LPA: variants seen among roughly 807,000 people sequenced by gnomAD.
LPA encodes apolipoprotein(a).
Under a neutral mutation model 197.9 loss-of-function variants are expected in LPA, and 199 were observed. The ratio of observed to expected loss-of-function variants is 1.01; its 90% CI spans 0.90 to 1.13. The LOEUF is 1.13. Among genes scored for constraint, LPA ranks in the 50% most tolerant of loss-of-function variants. The pLI, the probability that LPA is intolerant of heterozygous loss-of-function variation, is 0.00. For missense variants in LPA, 1,853 were observed against 1,785.8 expected (o/e 1.04, Z -0.68); for synonymous variants, 715 against 639.5 (o/e 1.12, Z -1.78).
At position 160,580,256 on chromosome 6, in the gene LPA, A is replaced by T. The variant is rs548813059; in HGVS notation, c.4290-1552T>A. 1.2e-4 allele frequency among the ~76,000 whole-genome samples: 19 copies of T among 152,294 alleles called. No individual in the cohort carries two copies. In the South Asian group the frequency reaches 1.9e-3, roughly 15 times the overall value. On this transcript the variant is annotated intron_variant, in intron 26 of 38. Coordinates refer to ENST00000316300, the MANE Select transcript of LPA (RefSeq NM_005577.4). Reference sequence around the variant, plus strand: ...TATTCCTTTGTATAAATATACTGGAAATTCTTTTTTCATTTTCTTTTGATG... The same window carrying T: ...TATTCCTTTGTATAAATATACTGGATATTCTTTTTTCATTTTCTTTTGATG...
intron 16 of LPA, 52 bp downstream of exon 16, chr6:160,611,510 C>G (rs555423391): frequency 6.2e-6 from 10 of 1,602,710 alleles, no homozygotes; most frequent in Admixed American, 3.3e-5. Context: ...TCTCTTGTCA[C>G]AGAAACTTCA....
intron 1 of LPA, among the ~76,000 whole-genome samples, 191 bp downstream of exon 1, chr6:160,663,975 G>T (rs1780267221): frequency 6.6e-6 from 1 of 152,124 alleles, no homozygotes; most frequent in African/African-American, 2.4e-5. Context: ...ATTCATTCCA[G>T]CACCGTGACA....
chr6:160,585,951 C>A (rs147599802), intron 25 of LPA, among the ~76,000 whole-genome samples: 1 of 149,930 alleles, frequency 6.7e-6, no homozygotes, highest in Non-Finnish European at 1.5e-5. Flanking sequence ...GGGAGATAAA[C>A]AATTTGGTGG....
At chr6:160,550,090 G>A (rs1033184221) in intron 30 of LPA, among the ~76,000 whole-genome samples, 6 of 152,060 alleles carry the variant, frequency 3.9e-5, no homozygotes, top group South Asian at 2.1e-4. Context: ...GCGCAGTGGC[G>A]CACATCTGTA....
At chr6:160,654,064 ATTATATATAATATATATT>A (rs1562355028) in intron 1 of LPA, among the ~76,000 whole-genome samples, 276 of 27,418 alleles carry the variant, frequency 0.01, 5 homozygotes, top group Non-Finnish European at 0.015. Flanking sequence ...TATTATATAT[ATTATATATAATATATATT>A]ATATATATTA....
chr6:160,587,751 T>TGTGTGTGTG (rs1778938496), intron 24 of LPA, among the ~76,000 whole-genome samples: 1 of 125,382 alleles, frequency 8.0e-6, no homozygotes, highest in Non-Finnish European at 1.7e-5. Flanking sequence ...GGTTCAGTCT[T>TGTGTGTGTG]TGTGTGTGTG....
intron 6 of LPA, among the ~76,000 whole-genome samples, chr6:160,635,824 C>T (rs1336556735): frequency 2.2e-3 from 201 of 91,132 alleles, no homozygotes; most frequent in Admixed American, 3.4e-3. Context: ...TCAACCCTCA[C>T]ACTCTATGTA....
intron 32 of LPA, 109 bp from the exon 33 acceptor site, chr6:160,545,642 T>C: frequency 1.3e-6 from 1 of 747,706 alleles, no homozygotes; most frequent in African/African-American, 1.7e-5. Context: ...AAAGGGAGCG[T>C]TCCTTCTTCC....
chr6:160,654,050 AATATATTATATATATTATATATAAT>A lies in LPA; in HGVS notation c.50-3578_50-3554del, dbSNP rs1780078077. ...ATAATATATATTATATATAATATAT[AATATATTATATATATTATATATAAT>A]ATATATTATATATATTATATATAAT... On this transcript the variant is annotated intron_variant, in intron 1 of 38. Transcript: ENST00000316300. Among the ~76,000 whole-genome samples the A allele has an allele frequency of 6.0e-4, 5 of 8,360 alleles. 1 individual carries two copies. Among genetic ancestry groups the A allele is most frequent in the Non-Finnish European group, 8.4e-4 (4 of 4,766 alleles). The allele number at this position is 8,360 out of a possible 152,430, so 5.5% of individuals were successfully genotyped here.
At chr6:160,596,106 C>G (rs561081475) in intron 20 of LPA, among the ~76,000 whole-genome samples, 1 of 152,176 alleles carries the variant, frequency 6.6e-6, no homozygotes, top group Non-Finnish European at 1.5e-5. Context: ...GATTAACATT[C>G]CTGAATTTAT....
intron 16 of LPA, among the ~76,000 whole-genome samples, chr6:160,608,842 T>TGTGTGTGA (rs1491162599): frequency 6.6e-6 from 1 of 151,250 alleles, no homozygotes; most frequent in Non-Finnish European, 1.5e-5. Flanking sequence ...TGTGTGTGTG[T>TGTGTGTGA]GAACTTGTGA....
In LPA at chr6:160,544,149, G is replaced by A. The variant is rs565772432; in HGVS notation, c.5398+1291C>T. On this transcript the variant is annotated intron_variant, in intron 33 of 38. Transcript: ENST00000316300. ...CCTTCCATGGGAGTCAAAGGTGCAT[G>A]AGTCCCAGGCACTACTGTGGGTGTT... 2.0e-5 allele frequency among the ~76,000 whole-genome samples: 3 copies of A among 152,244 alleles called. No homozygotes were observed. The East Asian group carries it at 5.8e-4, about 29-fold the overall frequency.
At chr6:160,535,034 G>A (rs1562312893) in intron 37 of LPA, among the ~76,000 whole-genome samples, 1 of 149,930 alleles carries the variant, frequency 6.7e-6, no homozygotes, top group South Asian at 2.2e-4. Context: ...GATGGTGGTG[G>A]AGTAGTGGTG....
chr6:160,552,114 G>A (rs911398263), intron 30 of LPA, among the ~76,000 whole-genome samples: 1 of 152,084 alleles, frequency 6.6e-6, no homozygotes, highest in Non-Finnish European at 1.5e-5. Flanking sequence ...GTCTCACTCT[G>A]TTGCTAAGGC....
At chr6:160,539,991 T>G (rs1777954785) in intron 36 of LPA, 52 bp downstream of exon 36, 22 of 1,613,824 alleles carry the variant, frequency 1.4e-5, no homozygotes, top group Admixed American at 8.3e-5. Flanking sequence ...AACCCAGACA[T>G]AAAGCAAATA....
At chr6:160,576,686 G>GTATATATA (rs775805522) in intron 28 of LPA, among the ~76,000 whole-genome samples, 1 of 122,274 alleles carries the variant, frequency 8.2e-6, no homozygotes, top group African/African-American at 3.3e-5. Context: ...GTGTGTGTGT[G>GTATATATA]TGTGTATATA....
intron 28 of LPA, among the ~76,000 whole-genome samples, chr6:160,561,382 T>G (rs370156505): frequency 1.3e-5 from 2 of 152,196 alleles, no homozygotes; most frequent in East Asian, 3.8e-4. Context: ...GTTGTAGATG[T>G]GTGGTGTTAT....
chr6:160,602,604 T>C (rs773743919), intron 18 of LPA, among the ~76,000 whole-genome samples: 16 of 152,236 alleles, frequency 1.1e-4, no homozygotes, highest in African/African-American at 2.2e-4. Flanking sequence ...CTGCAGAAAG[T>C]TCTCCTCTTG....
At chr6:160,546,846 C>T (rs1164822108) in intron 32 of LPA, among the ~76,000 whole-genome samples, 1 of 152,056 alleles carries the variant, frequency 6.6e-6, no homozygotes, top group East Asian at 1.9e-4. Flanking sequence ...CTCAGTCTTC[C>T]CTATTCATAG....
Sources: gnomAD v4.1 joint callset for allele counts (sites outside exome capture counted in the v4.1 genomes callset) on GRCh38, gnomAD v4.1.1 for gene constraint, MANE v1.5 for transcripts, NCBI Gene and HGNC (gene_info 2026-07-23, HGNC 2026-07-21) for gene names.